AMZ1: variants seen among roughly 807,000 people sequenced by gnomAD.
AMZ1 encodes archaemetzincin-1.
A neutral mutation model predicts 29.9 loss-of-function variants in AMZ1; 39 were observed. The observed-to-expected ratio is 1.30, with a 90% confidence interval of 1.01 to 1.70. The LOEUF (loss-of-function observed/expected upper bound fraction) is 1.70. AMZ1 is among the 40% of genes most tolerant of loss of function. AMZ1 has a pLI of 0.00. For synonymous variants in AMZ1, 458 were observed against 304.0 expected, an observed-to-expected ratio of 1.51 and a Z score of -5.27; for missense variants, 1,041 against 680.6, an observed-to-expected ratio of 1.53 and a Z score of -5.89.
At chr7:2,725,642 C>A (rs538152046) in intron 4 of AMZ1, among the ~76,000 whole-genome samples, 267 of 152,314 alleles carry the variant, frequency 1.8e-3, no homozygotes, top group Middle Eastern at 3.4e-3. Flanking sequence ...GCAGCACGTC[C>A]ACACCCTGTG....
rs1393921604 is a variant in AMZ1, at chr7:2,714,330, C to T, written c.*1452C>T. On this transcript the variant is annotated 3_prime_UTR_variant, in exon 7 of 7. Transcript: ENST00000683327. ...AGAAGGGCTATGCAGGTGAGGTGGG[C>T]TGAGGCTTCCTTGTGAATCTGACAT... 1 of 152,388 alleles carries T rather than the reference C, an allele frequency of 6.6e-6. No individual in the cohort carries two copies. Among genetic ancestry groups the T allele is most frequent in the Non-Finnish European group, 1.5e-5 (1 of 68,068 alleles). The allele number at this position is 152,388 out of a possible 1,614,324, so 9.4% of individuals were successfully genotyped here.
chr7:2,696,511 C>A (rs527976067), intron 1 of AMZ1, among the ~76,000 whole-genome samples: 2 of 150,116 alleles, frequency 1.3e-5, no homozygotes, highest in Non-Finnish European at 3.0e-5. Flanking sequence ...CCCGCCTGGG[C>A]CTCCCAAAGT....
chr7:2,743,150 T>C (rs1371486091), intron 4 of AMZ1, among the ~76,000 whole-genome samples: 1 of 152,182 alleles, frequency 6.6e-6, no homozygotes, highest in Non-Finnish European at 1.5e-5. Flanking sequence ...TGCATAAACT[T>C]TGCCTAAGAG....
chr7:2,726,940 C>T (rs181225467), intron 4 of AMZ1, among the ~76,000 whole-genome samples: 3 of 152,332 alleles, frequency 2.0e-5, no homozygotes, highest in East Asian at 1.9e-4. Context: ...CTCCAGAGCA[C>T]GTCAAGGTCC....
chr7:2,696,611 A>G (rs1219549310), intron 1 of AMZ1, among the ~76,000 whole-genome samples: 3 of 151,184 alleles, frequency 2.0e-5, no homozygotes, highest in African/African-American at 2.4e-5. Flanking sequence ...CTGGCCGGGC[A>G]CGGTGGCTCA....
intron 3 of AMZ1, among the ~76,000 whole-genome samples, chr7:2,705,607 C>T (rs540564183): frequency 1.3e-5 from 2 of 152,148 alleles, no homozygotes; most frequent in African/African-American, 2.4e-5. Flanking sequence ...CATCTTTTGG[C>T]GGGAGGGTTG....
chr7:2,703,001 G>A, intron 3 of AMZ1, 112 bp downstream of exon 3: 3 of 1,381,448 alleles, frequency 2.2e-6, no homozygotes, highest in Non-Finnish European at 2.9e-6. Flanking sequence ...TTTTTGCTGG[G>A]AAACATCCAT....
chr7:2,762,823 A>C, upstream of AMZ1: 1 of 1,521,810 alleles, frequency 6.6e-7, no homozygotes, highest in South Asian at 1.3e-5. Context: ...CCCATCCGCC[A>C]CACACCCAGT....
chr7:2,755,968 C>G (rs767134355), intron 4 of AMZ1, among the ~76,000 whole-genome samples: 7 of 152,162 alleles, frequency 4.6e-5, no homozygotes, highest in Admixed American at 3.9e-4. Context: ...AATTGACAAG[C>G]TCATTTTAAA....
intron 4 of AMZ1, among the ~76,000 whole-genome samples, chr7:2,758,869 G>T (rs1791423489): frequency 6.6e-6 from 1 of 152,200 alleles, no homozygotes; most frequent in African/African-American, 2.4e-5. Context: ...TCTCTGCTGG[G>T]CGCGGTGGCT....
chr7:2,723,620 CATG>C (rs2115250486), downstream of AMZ1, among the ~76,000 whole-genome samples: 1 of 152,342 alleles, frequency 6.6e-6, no homozygotes, highest in East Asian at 1.9e-4. Flanking sequence ...CACAGCCCTG[CATG>C]CCCCCTCGGC....
At position 2,707,818 on chromosome 7, in the gene AMZ1, C is replaced by CTT. The variant is rs60848680; in HGVS notation, c.473-748_473-747dup. ...GACCCCCTGCTGCCTCTAACGAGGG[C>CTT]TTTTTTTTTTTTTTTTTTTTTTTGA... On this transcript the variant is annotated intron_variant, in intron 3 of 6. Transcript: ENST00000683327. Among the ~76,000 whole-genome samples the CTT allele has an allele frequency of 6.6e-3, 626 of 95,286 alleles. 3 individuals carry two copies. Among genetic ancestry groups the CTT allele is most frequent in the East Asian group, 0.012 (42 of 3,548 alleles). The allele number at this position is 95,286 out of a possible 152,430, so 62.5% of individuals were successfully genotyped here. A position where few individuals can be genotyped will look rare whatever the true frequency, so the allele number is the denominator to read the frequency against.
intron 4 of AMZ1, among the ~76,000 whole-genome samples, chr7:2,745,352 G>A (rs1014650636): frequency 3.3e-5 from 5 of 152,214 alleles, no homozygotes; most frequent in Admixed American, 2.6e-4. Flanking sequence ...AGAAGAGAGT[G>A]GGGGCCAATA....
chr7:2,696,525 G>C lies in AMZ1; in HGVS notation c.-218-3709G>C, dbSNP rs191437457. On this transcript the variant is annotated intron_variant, in intron 1 of 6. Coordinates refer to ENST00000683327, the MANE Select transcript of AMZ1 (RefSeq NM_001384743.1). The stretch of plus-strand genomic sequence containing the variant: ...GCCCGCCTGGGCCTCCCAAAGTGCT[G>C]TGATTACAGGCGTGAGCCACCGCAC... Among the ~76,000 whole-genome samples the C allele has an allele frequency of 4.3e-3, 655 of 151,344 alleles. 23 individuals carry two copies. Among genetic ancestry groups the C allele is most frequent in the Admixed American group, 0.038 (579 of 15,228 alleles).
chr7:2,691,033 A>G (rs1005488185), intron 1 of AMZ1, among the ~76,000 whole-genome samples: 2 of 142,390 alleles, frequency 1.4e-5, no homozygotes, highest in African/African-American at 2.6e-5. Flanking sequence ...CCCAGCTACT[A>G]GGGAGGCTGA....
intron 5 of AMZ1, 101 bp from the exon 6 acceptor site, chr7:2,709,539 C>G (rs1021919172): frequency 2.0e-6 from 3 of 1,497,312 alleles, no homozygotes; most frequent in East Asian, 2.3e-5. Flanking sequence ...GCCATCTGGC[C>G]TCACCCAGGT....
intron 4 of AMZ1, among the ~76,000 whole-genome samples, chr7:2,758,938 C>T (rs1230146938): frequency 1.3e-5 from 2 of 151,914 alleles, no homozygotes; most frequent in Non-Finnish European, 2.9e-5. Context: ...GTCAGGAGTT[C>T]GAGACCAGCC....
rs1562379832 is a variant in AMZ1, at chr7:2,716,200, T to TGATGA, written c.*3323_*3327dup. 6.6e-6 allele frequency: 1 copy of TGATGA among 152,294 alleles called. No homozygotes were observed. Among genetic ancestry groups the TGATGA allele is most frequent in the African/African-American group, 2.4e-5 (1 of 41,468 alleles). 9.4% of individuals were successfully genotyped at this position (152,294 alleles called of 1,614,324 possible). ...ACACTCCCACGTCACAGCCATGCTA[T>TGATGA]GATGAAGGGGTGAGAAGCAGTGTCC... On this transcript the variant is annotated 3_prime_UTR_variant, in exon 7 of 7. Transcript: ENST00000683327.
At chr7:2,692,199 A>G (rs1470547333) in intron 1 of AMZ1, among the ~76,000 whole-genome samples, 3 of 152,332 alleles carry the variant, frequency 2.0e-5, no homozygotes, top group Admixed American at 2.0e-4. Context: ...GGAGGAAGAC[A>G]GGTGGGACCA....
Sources: allele counts gnomAD v4.1 joint callset (sites outside exome capture counted in the v4.1 genomes callset), GRCh38; gene constraint gnomAD v4.1.1; transcripts MANE v1.5; gene names NCBI Gene and HGNC (gene_info 2026-07-23, HGNC 2026-07-21).